SLC7A6OS: variants seen among roughly 807,000 people sequenced by gnomAD.
SLC7A6OS encodes solute carrier family 7 member 6 opposite strand, also known as probable RNA polymerase II nuclear localization protein SLC7A6OS.
SLC7A6OS carries 22 observed loss-of-function variants against 34.3 expected under a neutral mutation model. The observed-to-expected ratio is 0.64, with a 90% CI of 0.46 to 0.92. The LOEUF is 0.92. SLC7A6OS is among the 40% of genes least tolerant of loss of function. SLC7A6OS has a pLI of 0.00. For missense variants in SLC7A6OS, 434 were observed against 407.7 expected (o/e 1.06, Z -0.56); for synonymous variants, 199 against 165.0 (o/e 1.21, Z -1.58).
At position 68,302,539 on chromosome 16, in the gene SLC7A6OS, C is replaced by G. The variant is rs371550712; in HGVS notation, c.679-38G>C. On this transcript the variant is annotated intron_variant, in intron 3 of 4. Transcript: ENST00000263997. ...ACACAAACATGAGTCCAAGTCAAAA[C>G]CTCTAAGGTTATGCTCTGGGGGAAG... is the stretch of plus-strand genomic sequence containing the variant. 3 of 1,613,722 alleles carry G rather than the reference C, an allele frequency of 1.9e-6. No homozygotes were observed. The African/African-American group carries it at 4.0e-5, about 22-fold the overall frequency.
In SLC7A6OS at chr16:68,301,227, A is replaced by G. The variant is rs1432433710; in HGVS notation, c.*48T>C. ...CAGCAGGGCAGTTAACTCTGGACTC[A>G]GAGCCCTCAAGGGCATGTGGCAGAA... On this transcript the variant is annotated 3_prime_UTR_variant, in exon 5 of 5. Coordinates refer to ENST00000263997, the MANE Select transcript of SLC7A6OS (RefSeq NM_032178.3). 1.3e-6 allele frequency: 2 copies of G among 1,590,476 alleles called. No homozygotes were observed. Among genetic ancestry groups the G allele is most frequent in the South Asian group, 2.3e-5 (2 of 88,320 alleles).
intron 3 of SLC7A6OS, 46 bp from the exon 4 acceptor site, chr16:68,302,547 G>A (rs772094543): frequency 1.7e-4 from 270 of 1,612,998 alleles, no homozygotes; most frequent in Admixed American, 3.5e-4. Context: ...AACCTCTAAG[G>A]TTATGCTCTG....
In SLC7A6OS at chr16:68,308,394, G is replaced by A. The variant is rs1178122184; in HGVS notation, c.471+1941C>T. Among the ~76,000 whole-genome samples the A allele has an allele frequency of 7.9e-5, 12 of 151,918 alleles. No individual in the cohort carries two copies. The East Asian group carries it at 2.0e-3, about 25-fold the overall frequency. On this transcript the variant is annotated intron_variant, in intron 2 of 4. Transcript: ENST00000263997. ...TGTAATCCCAGCACTTTGGGAGGCC[G>A]ATGCGGGTGGATCACCTGAGGTCAG...
Position 68,310,443 on chromosome 16 carries a change from G to A in SLC7A6OS, c.363C>T (p.Ser121=), listed in dbSNP as rs1321901255. The change falls in exon 2 of 5, where the codon TCC becomes TCT. Residue 121 remains serine, a synonymous_variant. Transcript: ENST00000263997. ...CTTCTGGGTTCCCCGGCGTGTACTC[G>A]GACTCCTGGCCGCTCGAGGTGGTCC... is the stretch of plus-strand genomic sequence containing the variant. ...SLGTTSSGQE[S]EYTPGNPEAA... 1.2e-6 allele frequency: 2 copies of A among 1,605,454 alleles called. No individual in the cohort carries two copies. Among genetic ancestry groups the A allele is most frequent in the Admixed American group, 3.4e-5 (2 of 58,884 alleles).
At chr16:68,303,913 G>T in intron 3 of SLC7A6OS, 113 bp downstream of exon 3, 2 of 956,088 alleles carry the variant, frequency 2.1e-6, no homozygotes, top group Non-Finnish European at 3.2e-6. Flanking sequence ...TTTTCAGGAG[G>T]AAAAGAACTA....
chr16:68,303,978 T>G (rs759492044), intron 3 of SLC7A6OS, 48 bp downstream of exon 3: 1 of 1,530,264 alleles, frequency 6.5e-7, no homozygotes, highest in East Asian at 2.2e-5. Flanking sequence ...CTGATTAGAT[T>G]AAGAGCTTAG....
Position 68,299,475 on chromosome 16 carries a change from C to G in SLC7A6OS, c.*1800G>C, listed in dbSNP as rs2043231709. ...CAGGATCCTCTCTTTGGGAGCGAAGCCAGAGGATCCCTACAGCACTCAAGC... is the reference window on the plus strand; with the variant it reads ...CAGGATCCTCTCTTTGGGAGCGAAGGCAGAGGATCCCTACAGCACTCAAGC... On this transcript the variant is annotated 3_prime_UTR_variant, in exon 5 of 5. Coordinates refer to ENST00000263997, the MANE Select transcript of SLC7A6OS (RefSeq NM_032178.3). The G allele has an allele frequency of 6.6e-6, 1 of 152,620 alleles. No individual in the cohort carries two copies. The highest frequency in any genetic ancestry group is 6.5e-5 in the Admixed American group (1 of 15,284). 9.5% of individuals were successfully genotyped at this position (152,620 alleles called of 1,614,324 possible). A position where few individuals can be genotyped will look rare whatever the true frequency, so the allele number is the denominator to read the frequency against.
At chr16:68,302,260 C>G (rs531990793) in intron 4 of SLC7A6OS, 121 bp downstream of exon 4, 3 of 1,201,584 alleles carry the variant, frequency 2.5e-6, no homozygotes, top group South Asian at 2.8e-5. Context: ...GGCTCAGTTG[C>G]GGCTGGGCTG....
chr16:68,308,148 C>T (rs1399688986), intron 2 of SLC7A6OS, among the ~76,000 whole-genome samples: 3 of 151,342 alleles, frequency 2.0e-5, no homozygotes, highest in African/African-American at 7.3e-5. Flanking sequence ...GTGATCCACC[C>T]GCCTCAGCCT....
At position 68,298,240 on chromosome 16, in the gene SLC7A6OS, T is replaced by G. The variant is rs1228582718; in HGVS notation, c.*3035A>C. 1.8e-4 allele frequency: 27 copies of G among 152,512 alleles called. No homozygotes were observed. The highest frequency in any genetic ancestry group is 1.7e-3 in the Admixed American group (26 of 15,266). The allele number at this position is 152,512 out of a possible 1,614,324, so 9.4% of individuals were successfully genotyped here. A position where few individuals can be genotyped will look rare whatever the true frequency, so the allele number is the denominator to read the frequency against. Reference sequence around the variant, plus strand: ...TCTTTGTTCTAGCTGACAGTAAATCTCTGGGTTTCTGTTACGAACTCTAAG... The same window carrying G: ...TCTTTGTTCTAGCTGACAGTAAATCGCTGGGTTTCTGTTACGAACTCTAAG... On this transcript the variant is annotated 3_prime_UTR_variant, in exon 5 of 5. Transcript: ENST00000263997.
At chr16:68,309,042 A>G (rs574948813) in intron 2 of SLC7A6OS, among the ~76,000 whole-genome samples, 1 of 145,806 alleles carries the variant, frequency 6.9e-6, no homozygotes, top group South Asian at 2.2e-4. Context: ...ACAGAGTGAG[A>G]CTCTGACTCA....
rs565044099 is a variant in SLC7A6OS, at chr16:68,308,149, G to A, written c.471+2186C>T. Among the ~76,000 whole-genome samples, 444 of 151,190 alleles carry A rather than the reference G, an allele frequency of 2.9e-3. 2 individuals carry two copies. The highest frequency in any genetic ancestry group is 4.1e-3 in the Non-Finnish European group (281 of 67,860). On this transcript the variant is annotated intron_variant, in intron 2 of 4. Transcript: ENST00000263997. ...ACTCCTGACCTCAAGTGATCCACCCGCCTCAGCCTCCCAAAGTGCTGGGAT... is the reference window on the plus strand; with the variant it reads ...ACTCCTGACCTCAAGTGATCCACCCACCTCAGCCTCCCAAAGTGCTGGGAT...
At chr16:68,304,532 G>A (rs1036498043) in intron 2 of SLC7A6OS, among the ~76,000 whole-genome samples, 1 of 152,104 alleles carries the variant, frequency 6.6e-6, no homozygotes, top group Admixed American at 6.6e-5. Context: ...GTGTTAGCCA[G>A]GATGGTTTTG....
intron 2 of SLC7A6OS, among the ~76,000 whole-genome samples, chr16:68,308,701 A>G (rs1450769376): frequency 6.6e-6 from 1 of 152,192 alleles, no homozygotes; most frequent in Admixed American, 6.5e-5. Context: ...ATTTTGAATT[A>G]TAATTGTTTT....
Position 68,301,044 on chromosome 16 carries a change from A to G in SLC7A6OS, c.*231T>C, listed in dbSNP as rs1217366667. On this transcript the variant is annotated 3_prime_UTR_variant, in exon 5 of 5. Transcript: ENST00000263997. The stretch of plus-strand genomic sequence containing the variant: ...TTTTCAACGTTTTTTTTTCTTTCAA[A>G]CTGTAGGGTCACTTTTGATTGAGGC... 3.3e-6 allele frequency: 4 copies of G among 1,197,144 alleles called. No individual in the cohort carries two copies. The African/African-American group carries it at 6.3e-5, about 19-fold the overall frequency. The allele number at this position is 1,197,144 out of a possible 1,614,324, so 74.2% of individuals were successfully genotyped here. A position where few individuals can be genotyped will look rare whatever the true frequency, so the allele number is the denominator to read the frequency against.
At chr16:68,302,619 T>C (rs2043292938) in intron 3 of SLC7A6OS, 118 bp from the exon 4 acceptor site, 2 of 1,178,982 alleles carry the variant, frequency 1.7e-6, no homozygotes, top group Admixed American at 1.8e-5. Context: ...GTGAAAAAAC[T>C]GCAGACTAGT....
chr16:68,301,549 C>CT (rs112503740), intron 4 of SLC7A6OS, 144 bp from the exon 5 acceptor site: 8,544 of 569,840 alleles, frequency 0.015, 205 homozygotes, highest in African/African-American at 0.079. Context: ...ATATAGAATT[C>CT]TTTTTTTTTT....
rs2043212497 is a variant in SLC7A6OS, at chr16:68,298,408, A to G, written c.*2867T>C. On this transcript the variant is annotated 3_prime_UTR_variant, in exon 5 of 5. Transcript: ENST00000263997. Reference sequence around the variant, plus strand: ...TGTGAGGGACTGCTGTGCAGACCCAAGCAATCCCAACCTGGTGCTAGGTCA... The same window carrying G: ...TGTGAGGGACTGCTGTGCAGACCCAGGCAATCCCAACCTGGTGCTAGGTCA... 6.6e-6 allele frequency: 1 copy of G among 152,566 alleles called. No individual in the cohort carries two copies. The highest frequency in any genetic ancestry group is 1.5e-5 in the Non-Finnish European group (1 of 68,056). The allele number at this position is 152,566 out of a possible 1,614,324, so 9.5% of individuals were successfully genotyped here.
rs547613947 is a variant in SLC7A6OS at position 68,302,330 on chromosome 16, A to C, written c.799+51T>G. ...AGATGCACCTGTCAACTATGCCTGC[A>C]CCTCAGTCTCAGATCCTACCAGTCC... On this transcript the variant is annotated intron_variant, in intron 4 of 4. Coordinates refer to ENST00000263997, the MANE Select transcript of SLC7A6OS (RefSeq NM_032178.3). 3.2e-5 allele frequency: 52 copies of C among 1,607,072 alleles called. No homozygotes were observed. In the African/African-American group the frequency reaches 6.3e-4, roughly 19 times the overall value.
Sources: allele counts gnomAD v4.1 joint callset (sites outside exome capture counted in the v4.1 genomes callset), GRCh38; gene constraint gnomAD v4.1.1; transcripts MANE v1.5; gene names NCBI Gene and HGNC (gene_info 2026-07-23, HGNC 2026-07-21).